PRKN: variants seen among roughly 807,000 people sequenced by gnomAD.
The protein encoded by PRKN is parkin RBR E3 ubiquitin protein ligase.
In PRKN, 56 loss-of-function variants were observed where a neutral mutation model predicts 59.5. The observed-to-expected ratio is 0.94, with a 90% confidence interval of 0.76 to 1.18. The LOEUF (loss-of-function observed/expected upper bound fraction) is 1.18. Among genes scored for constraint, PRKN ranks in the 50% most tolerant of loss-of-function variants. PRKN has a pLI of 0.00. For missense variants in PRKN, 657 were observed against 596.4 expected, an observed-to-expected ratio of 1.10 and a Z score of -1.06; for synonymous variants, 250 against 222.1, an observed-to-expected ratio of 1.13 and a Z score of -1.12.
At chr6:162,598,623 C>T (rs996233984) in intron 1 of PRKN, among the ~76,000 whole-genome samples, 7 of 152,116 alleles carry the variant, frequency 4.6e-5, no homozygotes, top group East Asian at 3.9e-4. Flanking sequence ...GAGGTCGAGG[C>T]GGGCGGATAA....
chr6:162,208,886 G>C (rs966301780), intron 3 of PRKN, among the ~76,000 whole-genome samples: 1 of 152,134 alleles, frequency 6.6e-6, no homozygotes, highest in African/African-American at 2.4e-5. Flanking sequence ...GGGAAAACTG[G>C]CTAGCCATAT....
At chr6:162,331,027 C>T (rs10945813) in intron 2 of PRKN, among the ~76,000 whole-genome samples, 59,943 of 151,878 alleles carry the variant, frequency 0.39, 12,571 homozygotes, top group Non-Finnish European at 0.47. Context: ...CACTCTATTA[C>T]GATTTTAGAA....
intron 7 of PRKN, among the ~76,000 whole-genome samples, chr6:161,591,647 G>C (rs1037323051): frequency 6.6e-6 from 1 of 152,128 alleles, no homozygotes; most frequent in East Asian, 1.9e-4. Context: ...ATATCCGAAG[G>C]TAAGGCCAGT....
chr6:161,397,010 A>G lies in PRKN; in HGVS notation c.1084-10133T>C, dbSNP rs1786792701. Among the ~76,000 whole-genome samples, 1 of 152,212 alleles carries G rather than the reference A, an allele frequency of 6.6e-6. No individual in the cohort carries two copies. The highest frequency in any genetic ancestry group is 2.4e-5 in the African/African-American group (1 of 41,434). The stretch of plus-strand genomic sequence containing the variant: ...GCAGTCTCATAGGTGCCCTGCAGGT[A>G]TACCTGTTCTGGCCCCTTTCCCCTG... On this transcript the variant is annotated intron_variant, in intron 9 of 11. Coordinates refer to ENST00000366898, the MANE Select transcript of PRKN (RefSeq NM_004562.3). This position sits in a 1 kb window ranked among gnomAD's most constrained non-coding sequence, Gnocchi z 4.2.
In PRKN at chr6:161,592,300, G is replaced by C. The variant is rs577204985; in HGVS notation, c.872-22884C>G. ...TGTAGGATTTTGGATATGCAGAAACGAATTTCTACCTTAAAGACTGAGGAG... is the reference window on the plus strand; with the variant it reads ...TGTAGGATTTTGGATATGCAGAAACCAATTTCTACCTTAAAGACTGAGGAG... On this transcript the variant is annotated intron_variant, in intron 7 of 11. Transcript: ENST00000366898. This position sits in a 1 kb window ranked among gnomAD's most constrained non-coding sequence, Gnocchi z 4.8. Among the ~76,000 whole-genome samples, 1 of 152,100 alleles carries C rather than the reference G, an allele frequency of 6.6e-6. No individual in the cohort carries two copies. The highest frequency in any genetic ancestry group is 1.5e-5 in the Non-Finnish European group (1 of 68,026).
intron 1 of PRKN, among the ~76,000 whole-genome samples, chr6:162,504,274 A>AG (rs1240003238): frequency 6.6e-6 from 1 of 152,212 alleles, no homozygotes; most frequent in African/African-American, 2.4e-5. Context: ...CACGTGTTTT[A>AG]GGGCCTGCAA....
intron 6 of PRKN, among the ~76,000 whole-genome samples, chr6:161,810,945 G>T (rs537114533): frequency 1.3e-5 from 2 of 152,092 alleles, no homozygotes; most frequent in African/African-American, 2.4e-5. Flanking sequence ...GGATGGGCAG[G>T]GGTTCGTCTG....
chr6:161,538,970 T>G lies in PRKN; in HGVS notation c.1083+9884A>C, dbSNP rs1409358669. ...TAGCGCTGACCTTGGTGTTCCTGTT[T>G]CGTGTGAAGAGTGAGGGCGTGCTGC... is the stretch of plus-strand genomic sequence containing the variant. On this transcript the variant is annotated intron_variant, in intron 9 of 11. Coordinates refer to ENST00000366898, the MANE Select transcript of PRKN (RefSeq NM_004562.3). The surrounding 1 kb of genome is among the most constrained non-coding windows in gnomAD (Gnocchi z 4.2). 6.6e-6 allele frequency among the ~76,000 whole-genome samples: 1 copy of G among 152,118 alleles called. No individual in the cohort carries two copies. Among genetic ancestry groups the G allele is most frequent in the Admixed American group, 6.6e-5 (1 of 15,262 alleles).
At chr6:162,632,538 C>T (rs969105891) in intron 1 of PRKN, among the ~76,000 whole-genome samples, 2 of 152,072 alleles carry the variant, frequency 1.3e-5, no homozygotes, top group African/African-American at 2.4e-5. Flanking sequence ...AACTACCTAT[C>T]GGCTACTATG....
chr6:161,757,107 C>G lies in PRKN; in HGVS notation c.871+28665G>C, dbSNP rs142438851. On this transcript the variant is annotated intron_variant, in intron 7 of 11. Transcript: ENST00000366898. Reference sequence around the variant, plus strand: ...AGATAATTCAAAATAGATCAGATATCTTAATATAAAACATAAAGCTTCTAG... The same window carrying G: ...AGATAATTCAAAATAGATCAGATATGTTAATATAAAACATAAAGCTTCTAG... Among the ~76,000 whole-genome samples the G allele has an allele frequency of 5.8e-3, 878 of 152,230 alleles. 1 individual carries two copies. The highest frequency in any genetic ancestry group is 0.01 in the Middle Eastern group (3 of 294).
chr6:162,302,086 C>T (rs1349646386), intron 2 of PRKN, among the ~76,000 whole-genome samples: 1 of 152,134 alleles, frequency 6.6e-6, no homozygotes, highest in Admixed American at 6.5e-5. Context: ...CTGTCTTCCT[C>T]ATTTCTCCAG....
At chr6:162,704,527 A>G (rs1394973390) in intron 1 of PRKN, among the ~76,000 whole-genome samples, 2 of 152,240 alleles carry the variant, frequency 1.3e-5, no homozygotes, top group East Asian at 3.8e-4. Context: ...GCTCATTGGA[A>G]TATTTCACTG....
At chr6:161,501,947 G>A (rs535725625) in intron 9 of PRKN, among the ~76,000 whole-genome samples, 1 of 152,264 alleles carries the variant, frequency 6.6e-6, no homozygotes, top group African/African-American at 2.4e-5. Flanking sequence ...TGTTCTGGGG[G>A]AAGATATAAC....
At chr6:161,690,707 C>T (rs906707109) in intron 7 of PRKN, among the ~76,000 whole-genome samples, 2 of 152,188 alleles carry the variant, frequency 1.3e-5, no homozygotes, top group African/African-American at 4.8e-5. Context: ...TTCCCTCCGC[C>T]TGACCTCTTG....
intron 9 of PRKN, among the ~76,000 whole-genome samples, chr6:161,411,250 T>C (rs1332422584): frequency 5.9e-5 from 9 of 152,080 alleles, no homozygotes. Context: ...GTGGAGATAA[T>C]CGAATCATGG....
At chr6:161,406,608 C>T (rs1302049184) in intron 9 of PRKN, among the ~76,000 whole-genome samples, 2 of 152,014 alleles carry the variant, frequency 1.3e-5, no homozygotes, top group Non-Finnish European at 2.9e-5. Context: ...AGTATTAGCC[C>T]GAAGGAAATA....
Position 161,414,788 on chromosome 6 carries a change from C to T in PRKN, c.1084-27911G>A, listed in dbSNP as rs957457991. ...GGAGGGTCTCCGCAGGCAGGGCAGC[C>T]GCTGAACAGCACCGGGAGGGTCTGT... On this transcript the variant is annotated intron_variant, in intron 9 of 11. Coordinates refer to ENST00000366898, the MANE Select transcript of PRKN (RefSeq NM_004562.3). The surrounding 1 kb of genome is among the most constrained non-coding windows in gnomAD (Gnocchi z 5.3). 6.6e-6 allele frequency among the ~76,000 whole-genome samples: 1 copy of T among 152,122 alleles called. No individual in the cohort carries two copies. The highest frequency in any genetic ancestry group is 1.5e-5 in the Non-Finnish European group (1 of 68,024).
chr6:161,679,817 C>G (rs1320162184), intron 7 of PRKN, among the ~76,000 whole-genome samples: 1 of 129,664 alleles, frequency 7.7e-6, no homozygotes, highest in Non-Finnish European at 1.5e-5. Context: ...TGCAGTGGCA[C>G]GATCTCAGCT....
chr6:161,708,500 G>T (rs556177005), intron 7 of PRKN, among the ~76,000 whole-genome samples: 4 of 150,068 alleles, frequency 2.7e-5, no homozygotes, highest in Non-Finnish European at 5.9e-5. Context: ...ATAGAAAATT[G>T]GAGGATTCTG....
Sources: gnomAD v4.1 joint callset for allele counts (sites outside exome capture counted in the v4.1 genomes callset) on GRCh38, gnomAD v4.1.1 for gene constraint, Gnocchi (gnomAD v3.1) non-coding constraint, MANE v1.5 for transcripts, NCBI Gene and HGNC (gene_info 2026-07-23, HGNC 2026-07-21) for gene names.